The following EPS8 variants were observed in gnomAD, a reference collection of about 807,000 sequenced individuals.
EPS8 encodes epidermal growth factor receptor kinase substrate 8.
In EPS8, 42 loss-of-function variants were observed where a neutral mutation model predicts 103.8. The observed-to-expected ratio is 0.40, with a 90% CI of 0.32 to 0.52. EPS8 has a LOEUF of 0.52. Among genes scored for constraint, EPS8 ranks in the 20% least tolerant of loss-of-function variants. EPS8 has a pLI of 0.40. For missense variants in EPS8, 969 were observed against 1,005.1 expected, an observed-to-expected ratio of 0.96 and a Z score of 0.49; for synonymous variants, 344 against 344.6, an observed-to-expected ratio of 1.00 and a Z score of 0.02.
In EPS8 at chr12:15,741,948, G is replaced by A. The variant is rs572565330; in HGVS notation, c.-22+47213C>T. On this transcript the variant is annotated intron_variant, in intron 1 of 20. Transcript: ENST00000281172. ...CTCACTGTTCAGTTCCCACCTATGAGTGAGAACATGCAGTGTTTGGTTTTC... is the reference window on the plus strand; with the variant it reads ...CTCACTGTTCAGTTCCCACCTATGAATGAGAACATGCAGTGTTTGGTTTTC... 3.9e-5 allele frequency among the ~76,000 whole-genome samples: 6 copies of A among 152,148 alleles called. No individual in the cohort carries two copies. The South Asian group carries it at 8.3e-4, about 21-fold the overall frequency.
intron 6 of EPS8, among the ~76,000 whole-genome samples, chr12:15,668,097 T>C (rs1472170565): frequency 1.3e-5 from 2 of 152,178 alleles, no homozygotes; most frequent in African/African-American, 2.4e-5. Context: ...AAATATTCCC[T>C]TTAATATTTA....
At position 15,767,716 on chromosome 12, in the gene EPS8, A is replaced by G. The variant is rs1947111609; in HGVS notation, c.-22+21445T>C. ...CTCTGCTAAACATGGTTGTTAGAAT[A>G]AGGAAATTGAAATGGTTGGTGGCAA... On this transcript the variant is annotated intron_variant, in intron 1 of 20. Transcript: ENST00000281172. The surrounding 1 kb of genome is among the most constrained non-coding windows in gnomAD (Gnocchi z 5.5). Among the ~76,000 whole-genome samples, 1 of 152,224 alleles carries G rather than the reference A, an allele frequency of 6.6e-6. No individual in the cohort carries two copies. Among genetic ancestry groups the G allele is most frequent in the Non-Finnish European group, 1.5e-5 (1 of 68,044 alleles).
At position 15,631,569 on chromosome 12, in the gene EPS8, A is replaced by T; in HGVS notation, c.1917T>A (p.Pro639=). ...ACACAGGAACAGGTGCTGGAGTGGAAGGGGGAAGGGGAACAGGAACAGGAG... is the reference window on the plus strand; with the variant it reads ...ACACAGGAACAGGTGCTGGAGTGGATGGGGGAAGGGGAACAGGAACAGGAG... The part of the protein sequence containing the change: ...TPAPVPVPLP[P]STPAPVPVSK... Residue 639 remains proline, a synonymous_variant, in exon 18 of 21, where the codon CCT becomes CCA. Transcript: ENST00000281172. The T allele has an allele frequency of 6.2e-7, 1 of 1,613,986 alleles. No homozygotes were observed. The highest frequency in any genetic ancestry group is 8.5e-7 in the Non-Finnish European group (1 of 1,179,916).
chr12:15,682,068 C>T (rs570404397), intron 2 of EPS8, among the ~76,000 whole-genome samples: 1 of 152,024 alleles, frequency 6.6e-6, no homozygotes, highest in East Asian at 1.9e-4. Flanking sequence ...ACTTTACTAC[C>T]GCATTGACAC....
At position 15,767,134 on chromosome 12, in the gene EPS8, G is replaced by T. The variant is rs1364038985; in HGVS notation, c.-22+22027C>A. ...AAATAGCACCTAAGAACAAGAGATTGCATGACTACTTCTAATATTCTACTC... is the reference window on the plus strand; with the variant it reads ...AAATAGCACCTAAGAACAAGAGATTTCATGACTACTTCTAATATTCTACTC... On this transcript the variant is annotated intron_variant, in intron 1 of 20. Transcript: ENST00000281172. The surrounding 1 kb of genome is among the most constrained non-coding windows in gnomAD (Gnocchi z 5.5). 6.6e-6 allele frequency among the ~76,000 whole-genome samples: 1 copy of T among 152,158 alleles called. No individual in the cohort carries two copies. The highest frequency in any genetic ancestry group is 1.5e-5 in the Non-Finnish European group (1 of 68,008).
At chr12:15,637,772 G>C (rs1175953047) in intron 17 of EPS8, among the ~76,000 whole-genome samples, 1 of 152,160 alleles carries the variant, frequency 6.6e-6, no homozygotes, top group East Asian at 1.9e-4. Flanking sequence ...AAATGTGTGG[G>C]CCATATCTGA....
chr12:15,627,942 C>A (rs1368798361), intron 18 of EPS8, among the ~76,000 whole-genome samples: 1 of 152,020 alleles, frequency 6.6e-6, no homozygotes, highest in Non-Finnish European at 1.5e-5. Flanking sequence ...ATGATTTTTC[C>A]CCCCTAGGGA....
intron 1 of EPS8, among the ~76,000 whole-genome samples, chr12:15,774,090 T>C (rs1404268540): frequency 6.6e-6 from 1 of 151,986 alleles, no homozygotes; most frequent in African/African-American, 2.4e-5. Context: ...ACCAATATAT[T>C]CAAATACTAC....
In EPS8 at chr12:15,702,065, G is replaced by C. The variant is rs1307226059; in HGVS notation, c.-21-19093C>G. On this transcript the variant is annotated intron_variant, in intron 1 of 20. Transcript: ENST00000281172. The surrounding 1 kb of genome is among the most constrained non-coding windows in gnomAD (Gnocchi z 5.1). The stretch of plus-strand genomic sequence containing the variant: ...AAAAAGAAATTCTTAAGTAGTTTGT[G>C]AGTCAGGCTAAGCACCATGAGATAA... Among the ~76,000 whole-genome samples the C allele has an allele frequency of 9.9e-5, 15 of 152,218 alleles. No individual in the cohort carries two copies. The highest frequency in any genetic ancestry group is 9.8e-4 in the Admixed American group (15 of 15,288).
chr12:15,760,672 C>T lies in EPS8; in HGVS notation c.-22+28489G>A, dbSNP rs1591925471. 6.6e-6 allele frequency among the ~76,000 whole-genome samples: 1 copy of T among 152,046 alleles called. No individual in the cohort carries two copies. Among genetic ancestry groups the T allele is most frequent in the East Asian group, 1.9e-4 (1 of 5,198 alleles). Reference sequence around the variant, plus strand: ...AAACAAATCCATCAATGTGACACATCCCATCAACAGAATGAAGGACAAAAA... The same window carrying T: ...AAACAAATCCATCAATGTGACACATTCCATCAACAGAATGAAGGACAAAAA... On this transcript the variant is annotated intron_variant, in intron 1 of 20. Coordinates refer to ENST00000281172, the MANE Select transcript of EPS8 (RefSeq NM_004447.6). The surrounding 1 kb of genome is among the most constrained non-coding windows in gnomAD (Gnocchi z 4.5).
At chr12:15,788,998 C>A (rs974231002) in intron 1 of EPS8, among the ~76,000 whole-genome samples, 163 bp downstream of exon 1, 1 of 152,176 alleles carries the variant, frequency 6.6e-6, no homozygotes, top group East Asian at 1.9e-4. Flanking sequence ...AGCGCCCTAC[C>A]GCACCTGGCT....
chr12:15,726,889 A>G (rs187275853), intron 1 of EPS8, among the ~76,000 whole-genome samples: 18 of 152,362 alleles, frequency 1.2e-4, no homozygotes, highest in African/African-American at 3.8e-4. Context: ...TAGAAGGAAG[A>G]GAGAGGAAAA....
Position 15,727,147 on chromosome 12 carries a change from T to C in EPS8, c.-21-44175A>G, listed in dbSNP as rs908118453. On this transcript the variant is annotated intron_variant, in intron 1 of 20. Transcript: ENST00000281172. The surrounding 1 kb of genome is among the most constrained non-coding windows in gnomAD (Gnocchi z 4.3). The stretch of plus-strand genomic sequence containing the variant: ...TTTGTTTAGTTAAATCTAAGTTAAG[T>C]ACAAGTGACTACGTTTTTACTGTTT... 3.3e-5 allele frequency among the ~76,000 whole-genome samples: 5 copies of C among 152,354 alleles called. No individual in the cohort carries two copies. Among genetic ancestry groups the C allele is most frequent in the Admixed American group, 3.3e-4 (5 of 15,308 alleles).
At chr12:15,689,674 A>C (rs2135910283) in intron 1 of EPS8, among the ~76,000 whole-genome samples, 1 of 152,344 alleles carries the variant, frequency 6.6e-6, no homozygotes, top group African/African-American at 2.4e-5. Flanking sequence ...AGCTATTTTG[A>C]AATACGCAAA....
At chr12:15,671,013 T>A in intron 3 of EPS8, 90 bp from the exon 4 acceptor site, 1 of 846,382 alleles carries the variant, frequency 1.2e-6, no homozygotes, top group East Asian at 2.5e-5. Flanking sequence ...AAAACTAGTC[T>A]ATCTCACATA....
Position 15,623,302 on chromosome 12 carries a change from A to AG in EPS8, c.2226-16dup. 1 of 1,552,418 alleles carries AG rather than the reference A, an allele frequency of 6.4e-7. No individual in the cohort carries two copies. Among genetic ancestry groups the AG allele is most frequent in the Non-Finnish European group, 8.7e-7 (1 of 1,148,426 alleles). ...TATTGACAGTCCTAAAAAAAAAAAA[A>AG]GGAAAAAGAAACTGAGCATTAAAAA... is the stretch of plus-strand genomic sequence containing the variant. On this transcript the variant is annotated splice_polypyrimidine_tract_variant and intron_variant, in intron 19 of 20. Transcript: ENST00000281172.
At chr12:15,656,389 A>G (rs1438233591) in intron 12 of EPS8, among the ~76,000 whole-genome samples, 2 of 152,234 alleles carry the variant, frequency 1.3e-5, no homozygotes, top group Non-Finnish European at 2.9e-5. Context: ...CTCCATATAC[A>G]GCAACAACAT....
rs1464081686 is a variant in EPS8 at position 15,762,405 on chromosome 12, A to C, written c.-22+26756T>G. ...GCCTCAAAAAACTAAAAGGAGAGCT[A>C]CATTATGATCCAGCAATCGCGCTGC... On this transcript the variant is annotated intron_variant, in intron 1 of 20. Coordinates refer to ENST00000281172, the MANE Select transcript of EPS8 (RefSeq NM_004447.6). The surrounding 1 kb of genome is among the most constrained non-coding windows in gnomAD (Gnocchi z 4.8). Among the ~76,000 whole-genome samples, 2 of 152,220 alleles carry C rather than the reference A, an allele frequency of 1.3e-5. No homozygotes were observed. The highest frequency in any genetic ancestry group is 2.9e-5 in the Non-Finnish European group (2 of 68,034).
chr12:15,625,851 G>C (rs1944935702), intron 18 of EPS8, among the ~76,000 whole-genome samples: 1 of 152,198 alleles, frequency 6.6e-6, no homozygotes, highest in Non-Finnish European at 1.5e-5. Context: ...ACTGTGCTTA[G>C]GTTCATGGCC....
Sources: allele counts gnomAD v4.1 joint callset (sites outside exome capture counted in the v4.1 genomes callset), GRCh38; gene constraint gnomAD v4.1.1; non-coding constraint Gnocchi (gnomAD v3.1); transcripts MANE v1.5; gene names NCBI Gene and HGNC (gene_info 2026-07-23, HGNC 2026-07-21).